Variants in ACOXL observed in about 807,000 individuals in gnomAD.
ACOXL encodes acyl-coenzyme A oxidase-like protein.
A neutral mutation model predicts 71.9 loss-of-function variants in ACOXL; 70 were observed. The observed-to-expected ratio is 0.97, with a 90% confidence interval of 0.80 to 1.19. ACOXL has a LOEUF of 1.19. ACOXL is among the 50% of genes most tolerant of loss of function. ACOXL has a pLI of 0.00. For synonymous variants in ACOXL, 253 were observed against 281.6 expected, an observed-to-expected ratio of 0.90 and a Z score of 1.02; for missense variants, 703 against 736.3, an observed-to-expected ratio of 0.95 and a Z score of 0.52.
chr2:110,849,038 C>T (rs1211206647), intron 10 of ACOXL, among the ~76,000 whole-genome samples: 2 of 152,250 alleles, frequency 1.3e-5, no homozygotes, highest in African/African-American at 4.8e-5. Flanking sequence ...AGTGAACTCA[C>T]CCTCCAACAG....
chr2:111,067,738 G>T (rs1454944098), intron 16 of ACOXL, among the ~76,000 whole-genome samples: 2 of 152,166 alleles, frequency 1.3e-5, no homozygotes, highest in African/African-American at 4.8e-5. Context: ...TCATAACAAT[G>T]GAATCAAAGT....
At chr2:110,809,322 CCA>C (rs1687038618) in intron 9 of ACOXL, among the ~76,000 whole-genome samples, 1 of 152,136 alleles carries the variant, frequency 6.6e-6, no homozygotes, top group African/African-American at 2.4e-5. Context: ...GGGAGTGTGC[CCA>C]GGGCTGGGGC....
intron 16 of ACOXL, among the ~76,000 whole-genome samples, chr2:111,063,341 T>A (rs2066908265): frequency 6.6e-6 from 1 of 152,116 alleles, no homozygotes; most frequent in Admixed American, 6.5e-5. Flanking sequence ...TACAGACCAA[T>A]ATACCTTATA....
intron 12 of ACOXL, among the ~76,000 whole-genome samples, chr2:110,978,968 G>A (rs1001427364): frequency 1.3e-5 from 2 of 152,168 alleles, no homozygotes; most frequent in South Asian, 2.1e-4. Context: ...CAGGGCTTGG[G>A]TGTTGGGAGG....
chr2:110,978,403 C>T (rs2062554688), intron 12 of ACOXL, among the ~76,000 whole-genome samples: 1 of 152,184 alleles, frequency 6.6e-6, no homozygotes, highest in South Asian at 2.1e-4. Context: ...ACGTTGGCAA[C>T]ACCTAAATTT....
intron 17 of ACOXL, among the ~76,000 whole-genome samples, chr2:111,106,752 C>T (rs1202730764): frequency 1.1e-4 from 17 of 152,146 alleles, no homozygotes; most frequent in Admixed American, 1.1e-3. Flanking sequence ...TCTAGGTTCT[C>T]TACTTAGTCT....
intron 11 of ACOXL, among the ~76,000 whole-genome samples, chr2:110,917,657 A>G (rs2059914816): frequency 6.6e-6 from 1 of 152,262 alleles, no homozygotes; most frequent in African/African-American, 2.4e-5. Flanking sequence ...AGAAAACCCC[A>G]TAGTCTCAGC....
At chr2:110,999,768 T>C (rs138174987) in intron 14 of ACOXL, among the ~76,000 whole-genome samples, 1,602 of 152,332 alleles carry the variant, frequency 0.011, 16 homozygotes, top group South Asian at 0.04. Context: ...TGAAGCTTCC[T>C]GCCCACAACC....
intron 12 of ACOXL, among the ~76,000 whole-genome samples, chr2:110,958,753 A>G (rs1429753584): frequency 5.9e-5 from 9 of 152,026 alleles, no homozygotes; most frequent in African/African-American, 2.2e-4. Context: ...AATACTTTGG[A>G]CTCCCCTGGA....
intron 10 of ACOXL, among the ~76,000 whole-genome samples, chr2:110,886,531 C>T (rs1004753279): frequency 6.6e-6 from 1 of 152,048 alleles, no homozygotes; most frequent in African/African-American, 2.4e-5. Context: ...CATGCACCAC[C>T]ACGCTTGGCT....
rs147621718 is a variant in ACOXL at position 110,981,836 on chromosome 2, G to A, written c.1060-5272G>A. On this transcript the variant is annotated intron_variant, in intron 12 of 17. Coordinates refer to ENST00000439055, the MANE Select transcript of ACOXL (RefSeq NM_001142807.4). ...TCTGCACTGGAAGACCCCGAGGGACGGCTGTATCTTATTTATCTTTTTAAT... is the reference window on the plus strand; with the variant it reads ...TCTGCACTGGAAGACCCCGAGGGACAGCTGTATCTTATTTATCTTTTTAAT... 9.9e-4 allele frequency among the ~76,000 whole-genome samples: 151 copies of A among 152,156 alleles called. 1 individual carries two copies. The highest frequency in any genetic ancestry group is 3.4e-3 in the African/African-American group (142 of 41,506).
At chr2:110,767,980 A>ACACACACACAC (rs1491169203) in intron 1 of ACOXL, among the ~76,000 whole-genome samples, 1 of 136,058 alleles carries the variant, frequency 7.3e-6, no homozygotes, top group Non-Finnish European at 1.6e-5. Context: ...ACACACACAC[A>ACACACACACAC]AATTAGCTGG....
At chr2:110,836,321 C>T (rs1690458545) in intron 9 of ACOXL, among the ~76,000 whole-genome samples, 1 of 152,210 alleles carries the variant, frequency 6.6e-6, no homozygotes, top group African/African-American at 2.4e-5. Flanking sequence ...GTCCTCATGT[C>T]CTTGCTGCCA....
In ACOXL at chr2:110,968,042, A is replaced by T. The variant is rs1045785103; in HGVS notation, c.1060-19066A>T. ...AGTCAGATTGCTTATGCCCGTATAG[A>T]GGGGGATATGATAGTCTGCGCAGCA... On this transcript the variant is annotated intron_variant, in intron 12 of 17. Transcript: ENST00000439055. 29 of 1,110,430 alleles carry T rather than the reference A, an allele frequency of 2.6e-5. 1 individual carries two copies. The Admixed American group carries it at 4.7e-4, about 18-fold the overall frequency. The allele number at this position is 1,110,430 out of a possible 1,614,324, so 68.8% of individuals were successfully genotyped here. A position where few individuals can be genotyped will look rare whatever the true frequency, so the allele number is the denominator to read the frequency against.
chr2:110,943,128 A>G (rs2060944191), intron 12 of ACOXL, among the ~76,000 whole-genome samples: 1 of 141,366 alleles, frequency 7.1e-6, no homozygotes, highest in African/African-American at 2.6e-5. Flanking sequence ...GGAAAGGAAG[A>G]AGGAAGGAAA....
At chr2:110,915,626 C>A (rs759049967) in intron 11 of ACOXL, among the ~76,000 whole-genome samples, 2 of 151,522 alleles carry the variant, frequency 1.3e-5, no homozygotes, top group Non-Finnish European at 2.9e-5. Context: ...TGGGTTTTCA[C>A]CATGCTGGCC....
At chr2:110,842,346 GA>G (rs1443687869) in intron 10 of ACOXL, among the ~76,000 whole-genome samples, 1 of 152,172 alleles carries the variant, frequency 6.6e-6, no homozygotes, top group African/African-American at 2.4e-5. Context: ...ACCTATGAAA[GA>G]AACTGCTCCA....
chr2:111,011,684 A>T (rs1392409851), intron 14 of ACOXL, among the ~76,000 whole-genome samples: 1 of 152,058 alleles, frequency 6.6e-6, no homozygotes, highest in Non-Finnish European at 1.5e-5. Context: ...GGAGTTTGAG[A>T]CCAGCCTGAC....
intron 2 of ACOXL, among the ~76,000 whole-genome samples, chr2:110,777,605 C>G (rs141283861): frequency 3.9e-3 from 588 of 152,298 alleles, no homozygotes; most frequent in Non-Finnish European, 6.4e-3. Flanking sequence ...AATCTTGTAA[C>G]TCAAGATGAG....
Sources: gnomAD v4.1 joint callset for allele counts (sites outside exome capture counted in the v4.1 genomes callset) on GRCh38, gnomAD v4.1.1 for gene constraint, MANE v1.5 for transcripts, NCBI Gene and HGNC (gene_info 2026-07-23, HGNC 2026-07-21) for gene names.